SYT6: variants seen among roughly 807,000 people sequenced by gnomAD.
SYT6 encodes synaptotagmin 6.
SYT6 carries 24 observed loss-of-function variants against 38.4 expected under a neutral mutation model. The ratio of observed to expected loss-of-function variants is 0.62; its 90% confidence interval spans 0.45 to 0.88. The LOEUF (loss-of-function observed/expected upper bound fraction) is 0.88, where lower values mean the gene tolerates loss of function less well. Among genes scored for constraint, SYT6 ranks in the 40% least tolerant of loss-of-function variants. The pLI, the probability that SYT6 is intolerant of heterozygous loss-of-function variation, is 0.00. For synonymous variants in SYT6, 265 were observed against 241.9 expected (o/e 1.10, Z -0.89); for missense variants, 611 against 621.0 (o/e 0.98, Z 0.17).
rs1027811583 is a variant in SYT6, at chr1:114,092,332, CTCTCTCTGTG to C, written c.*52-260_*52-251del. ...CTTAACTCTCTCTCTCTCTCTCTCT[CTCTCTCTGTG>C]TGTGTGTGTGTGTGTGTGTGTGTGT... On this transcript the variant is annotated intron_variant, in intron 7 of 7. Coordinates refer to ENST00000610222, the MANE Select transcript of SYT6 (RefSeq NM_001253772.2). Among the ~76,000 whole-genome samples, 26 of 138,852 alleles carry C rather than the reference CTCTCTCTGTG, an allele frequency of 1.9e-4. No homozygotes were observed. The South Asian group carries it at 6.8e-3, about 36-fold the overall frequency. The allele number at this position is 138,852 out of a possible 152,430, so 91.1% of individuals were successfully genotyped here.
intron 3 of SYT6, among the ~76,000 whole-genome samples, chr1:114,126,867 C>G (rs908400791): frequency 2.0e-5 from 3 of 152,142 alleles, no homozygotes; most frequent in Admixed American, 2.0e-4. Flanking sequence ...AGAGCCGTAC[C>G]CTACAGGAAG....
chr1:114,126,308 C>T lies in SYT6; in HGVS notation c.1071+11187G>A, dbSNP rs933600373. 5.9e-5 allele frequency among the ~76,000 whole-genome samples: 9 copies of T among 152,254 alleles called. 1 individual carries two copies. Among genetic ancestry groups the T allele is most frequent in the Middle Eastern group, 6.8e-3 (2 of 294 alleles). On this transcript the variant is annotated intron_variant, in intron 3 of 7. Coordinates refer to ENST00000610222, the MANE Select transcript of SYT6 (RefSeq NM_001253772.2). ...AATATGGAGTCATAACACCATGGTCCGCGGGAAAATGTGAAGTCCCTCAGG... is the reference window on the plus strand; with the variant it reads ...AATATGGAGTCATAACACCATGGTCTGCGGGAAAATGTGAAGTCCCTCAGG...
intron 3 of SYT6, among the ~76,000 whole-genome samples, chr1:114,129,551 CTTTTT>C: frequency 7.1e-6 from 1 of 141,150 alleles, no homozygotes; most frequent in South Asian, 2.4e-4. Context: ...TTTTTTCTGT[CTTTTT>C]TTCTTTCTTT....
At position 114,091,947 on chromosome 1, in the gene SYT6, A is replaced by G. The variant is rs1571803863; in HGVS notation, c.*187T>C. On this transcript the variant is annotated 3_prime_UTR_variant, in exon 8 of 8. Coordinates refer to ENST00000610222, the MANE Select transcript of SYT6 (RefSeq NM_001253772.2). ...CCACTGCGACTGCACAACACTGTTT[A>G]GACGGTTGAACAAGTGCAAAGAGAA... The G allele has an allele frequency of 6.6e-7, 1 of 1,504,990 alleles. No individual in the cohort carries two copies. Among genetic ancestry groups the G allele is most frequent in the East Asian group, 2.4e-5 (1 of 40,866 alleles). 93.2% of individuals were successfully genotyped at this position (1,504,990 alleles called of 1,614,324 possible). A position where few individuals can be genotyped will look rare whatever the true frequency, so the allele number is the denominator to read the frequency against.
At chr1:114,097,121 G>T (rs890784513) in intron 6 of SYT6, among the ~76,000 whole-genome samples, 1 of 152,174 alleles carries the variant, frequency 6.6e-6, no homozygotes, top group South Asian at 2.1e-4. Flanking sequence ...CCCAAGTCTT[G>T]GGACTCCCAG....
chr1:114,129,615 TC>T (rs10560445), intron 3 of SYT6, among the ~76,000 whole-genome samples: 10,201 of 64,986 alleles, frequency 0.16, 420 homozygotes, highest in South Asian at 0.26. Context: ...TTTCTTTCTT[TC>T]CTTTCTTTCT....
chr1:114,138,204 T>C lies in SYT6; in HGVS notation c.513-151A>G, dbSNP rs1994290. ...TTCTTGACCCCACTTTTGCTCTGCA[T>C]ACACTTTGTGTGCAAGGTTGTGGTG... On this transcript the variant is annotated intron_variant, in intron 2 of 7. Coordinates refer to ENST00000610222, the MANE Select transcript of SYT6 (RefSeq NM_001253772.2). 4.2e-3 allele frequency: 3,066 copies of C among 731,378 alleles called. 71 individuals are homozygous for C. The African/African-American group carries it at 0.05, about 12-fold the overall frequency. 45.3% of individuals were successfully genotyped at this position (731,378 alleles called of 1,614,324 possible). A position where few individuals can be genotyped will look rare whatever the true frequency, so the allele number is the denominator to read the frequency against.
intron 7 of SYT6, among the ~76,000 whole-genome samples, chr1:114,093,383 C>T (rs1232841876): frequency 6.6e-6 from 1 of 152,334 alleles, no homozygotes; most frequent in East Asian, 1.9e-4. Context: ...ACTCCCTGTT[C>T]AGGCCAGCTG....
chr1:114,142,294 A>T (rs139069122), intron 1 of SYT6, among the ~76,000 whole-genome samples: 22 of 152,342 alleles, frequency 1.4e-4, no homozygotes, highest in African/African-American at 5.3e-4. Context: ...GATTCCAAAC[A>T]TCGTGAATGG....
chr1:114,103,717 C>T lies in SYT6; in HGVS notation c.1076G>A (p.Ser359Asn). 1.2e-6 allele frequency: 2 copies of T among 1,613,400 alleles called. No individual in the cohort carries two copies. The highest frequency in any genetic ancestry group is 1.1e-5 in the South Asian group (1 of 90,820). ...WKDIQYATSE[S>N]VDLGEIMFSL... is the part of the protein sequence containing the mutation. ...GAACATGATCTCTCCCAAGTCCACG[C>T]TTTCCTGCAAAGAAGCACACAAGAG... Residue 359 changes from serine (S) to asparagine (N), a missense_variant, in exon 4 of 8, where the codon AGC becomes AAC. Physicochemically the swap from Ser to Asn is conservative, Grantham distance 46. Coordinates refer to ENST00000610222, the MANE Select transcript of SYT6 (RefSeq NM_001253772.2).
At chr1:114,103,364 C>A (rs1283915517) in intron 4 of SYT6, among the ~76,000 whole-genome samples, 1 of 152,268 alleles carries the variant, frequency 6.6e-6, no homozygotes, top group Non-Finnish European at 1.5e-5. Flanking sequence ...TGAATTAACT[C>A]ATTTCTCCTG....
At chr1:114,098,980 G>A in intron 5 of SYT6, 114 bp downstream of exon 5, 1 of 1,069,184 alleles carries the variant, frequency 9.4e-7, no homozygotes, top group East Asian at 2.5e-5. Context: ...TAGATTTGAG[G>A]CCTGAACCCT....
intron 3 of SYT6, among the ~76,000 whole-genome samples, chr1:114,122,506 T>TGTGCGCGCGC (rs60780339): frequency 6.8e-6 from 1 of 147,288 alleles, no homozygotes; most frequent in African/African-American, 2.5e-5. Flanking sequence ...TGTGTGTGTG[T>TGTGCGCGCGC]GCGCGCACAT....
intron 1 of SYT6, among the ~76,000 whole-genome samples, chr1:114,143,574 G>A (rs1424046811): frequency 3.2e-4 from 48 of 150,140 alleles, no homozygotes; most frequent in South Asian, 6.3e-4. Flanking sequence ...GTGTGTGTGT[G>A]TATATATATA....
At chr1:114,117,320 A>G (rs1677058493) in intron 3 of SYT6, among the ~76,000 whole-genome samples, 1 of 152,246 alleles carries the variant, frequency 6.6e-6, no homozygotes, top group Non-Finnish European at 1.5e-5. Context: ...ACGTGCATAT[A>G]GCAAGAATAC....
At chr1:114,134,724 T>G (rs1678375841) in intron 3 of SYT6, among the ~76,000 whole-genome samples, 1 of 152,102 alleles carries the variant, frequency 6.6e-6, no homozygotes, top group Non-Finnish European at 1.5e-5. Context: ...TGTCAGGTGT[T>G]TTTCAGAAGC....
At position 114,140,048 on chromosome 1, in the gene SYT6, C is replaced by A. The variant is rs532304203; in HGVS notation, c.164-85G>T. The A allele has an allele frequency of 4.1e-6, 3 of 739,416 alleles. No homozygotes were observed. The South Asian group carries it at 6.1e-5, about 15-fold the overall frequency. The allele number at this position is 739,416 out of a possible 1,614,324, so 45.8% of individuals were successfully genotyped here. A position where few individuals can be genotyped will look rare whatever the true frequency, so the allele number is the denominator to read the frequency against. On this transcript the variant is annotated intron_variant, in intron 1 of 7. Transcript: ENST00000610222. The stretch of plus-strand genomic sequence containing the variant: ...TGAGGGTGTTGGAGGAGGGGGCACA[C>A]GGAAGGGACAAAGACGGAAGAAGAG...
At position 114,153,691 on chromosome 1, in the gene SYT6, G is replaced by A. The variant is rs1419485034; in HGVS notation, c.82C>T (p.Pro28Ser). ...GTCTCCACGTCCAGCCCGAGAGGGG[G>A]CGGCCGGGCCCGGCACAGCGAGGCG... ...VLASLCRARPPPLGLDVETCR... is the reference protein window; with the variant it reads ...VLASLCRARPSPLGLDVETCR... Residue 28 changes from proline to serine, a missense_variant, in exon 1 of 8, where the codon CCC becomes TCC. By Grantham distance (74) the Pro-to-Ser change is moderately conservative. Coordinates refer to ENST00000610222, the MANE Select transcript of SYT6 (RefSeq NM_001253772.2). 4 of 675,096 alleles carry A rather than the reference G, an allele frequency of 5.9e-6. No individual in the cohort carries two copies. Among genetic ancestry groups the A allele is most frequent in the East Asian group, 3.0e-5 (1 of 33,492 alleles). The allele number at this position is 675,096 out of a possible 1,614,324, so 41.8% of individuals were successfully genotyped here.
Position 114,129,616 on chromosome 1 carries a change from C to CCTTT in SYT6, c.1071+7875_1071+7878dup, listed in dbSNP as rs149266681. On this transcript the variant is annotated intron_variant, in intron 3 of 7. Transcript: ENST00000610222. The stretch of plus-strand genomic sequence containing the variant: ...TCTTTCTTTCTTTCTTTCTTTCTTT[C>CCTTT]CTTTCTTTCTTTCTTTCTTTCTTTC... Among the ~76,000 whole-genome samples, 428 of 58,930 alleles carry CCTTT rather than the reference C, an allele frequency of 7.3e-3. 3 individuals carry two copies. The highest frequency in any genetic ancestry group is 8.3e-3 in the Non-Finnish European group (215 of 25,888). The allele number at this position is 58,930 out of a possible 152,430, so 38.7% of individuals were successfully genotyped here.
Sources: allele counts gnomAD v4.1 joint callset (sites outside exome capture counted in the v4.1 genomes callset), GRCh38; gene constraint gnomAD v4.1.1; transcripts MANE v1.5; gene names NCBI Gene and HGNC (gene_info 2026-07-23, HGNC 2026-07-21).